The following DRC10 variants were observed in gnomAD, a reference collection of about 807,000 sequenced individuals.
The protein encoded by DRC10 is dynein regulatory complex subunit 10, also known as IQ domain-containing protein D.
chr12:113,220,935 G>A, the DRC10 span: 1 of 306,576 alleles, frequency 3.3e-6, no homozygotes, highest in Non-Finnish European at 6.7e-6. Flanking sequence ...CCAAAGGACA[G>A]AGGGCTGAAC....
the DRC10 span, chr12:113,203,145 C>T: frequency 4.9e-6 from 2 of 404,336 alleles, no homozygotes; most frequent in East Asian, 7.3e-5. Context: ...CCCACCTCAG[C>T]TTCCTGAGTA....
chr12:113,220,523 G>C, the DRC10 span, among the ~76,000 whole-genome samples: 1 of 152,088 alleles, frequency 6.6e-6, no homozygotes, highest in Admixed American at 6.6e-5. Context: ...CAAAGTGCTG[G>C]GATTACAGGC....
chr12:113,207,701 G>C, the DRC10 span: 2 of 1,614,192 alleles, frequency 1.2e-6, no homozygotes, highest in Non-Finnish European at 1.7e-6. Flanking sequence ...AAGAGTCTAA[G>C]GACGTTCTTG....
At chr12:113,204,462 C>T in the DRC10 span, among the ~76,000 whole-genome samples, 7 of 152,272 alleles carry the variant, frequency 4.6e-5, no homozygotes, top group Non-Finnish European at 7.3e-5. Context: ...AGGCCGAATC[C>T]AGCCAGCCAC....
At chr12:113,203,845 C>T in the DRC10 span, among the ~76,000 whole-genome samples, 3 of 132,694 alleles carry the variant, frequency 2.3e-5, no homozygotes, top group Non-Finnish European at 4.6e-5. Flanking sequence ...TGGTCTTGAA[C>T]TCTTGACCTC....
chr12:113,197,386 G>A, the DRC10 span, among the ~76,000 whole-genome samples: 2 of 151,942 alleles, frequency 1.3e-5, no homozygotes, highest in Non-Finnish European at 2.9e-5. Context: ...GCCCCAGGCT[G>A]GACAAACCCT....
At chr12:113,214,527 A>AG in the DRC10 span, among the ~76,000 whole-genome samples, 2 of 151,632 alleles carry the variant, frequency 1.3e-5, no homozygotes, top group East Asian at 1.9e-4. Flanking sequence ...AAAAAAAAAA[A>AG]AGAGAAAAAA....
At chr12:113,216,480 C>T in the DRC10 span, among the ~76,000 whole-genome samples, 10 of 152,254 alleles carry the variant, frequency 6.6e-5, no homozygotes, top group African/African-American at 2.4e-4. Context: ...TCCAAATTCA[C>T]AGAATGTACA....
chr12:113,214,909 C>T, the DRC10 span, among the ~76,000 whole-genome samples: 2 of 150,326 alleles, frequency 1.3e-5, no homozygotes, highest in African/African-American at 4.9e-5. Flanking sequence ...TTATGGTTTA[C>T]AACTGGTCTG....
chr12:113,196,718 C>G, the DRC10 span, among the ~76,000 whole-genome samples: 1 of 152,246 alleles, frequency 6.6e-6, no homozygotes, highest in Non-Finnish European at 1.5e-5. Context: ...CCAGTGCTCC[C>G]CAGTCCTCCC....
chr12:113,213,576 A>G, the DRC10 span, among the ~76,000 whole-genome samples: 1 of 152,186 alleles, frequency 6.6e-6, no homozygotes, highest in Non-Finnish European at 1.5e-5. Context: ...AGACAGAGAG[A>G]GAGGTTAGAT....
the DRC10 span, among the ~76,000 whole-genome samples, chr12:113,199,722 GT>G: frequency 2.4e-4 from 36 of 147,208 alleles, no homozygotes; most frequent in South Asian, 2.2e-4. Flanking sequence ...AAGGTTTTGG[GT>G]TTTTTTTTTT....
At chr12:113,219,533 T>C in the DRC10 span, among the ~76,000 whole-genome samples, 15 of 152,356 alleles carry the variant, frequency 9.8e-5, no homozygotes, top group African/African-American at 2.6e-4. Context: ...TGTCCTCTTA[T>C]TGAGTTATAA....
the DRC10 span, among the ~76,000 whole-genome samples, chr12:113,199,602 A>G: frequency 6.6e-6 from 1 of 152,094 alleles, no homozygotes; most frequent in Admixed American, 6.5e-5. Flanking sequence ...TGACACTAAG[A>G]GACTGGAGAC....
At chr12:113,196,884 C>T in the DRC10 span, among the ~76,000 whole-genome samples, 1 of 152,250 alleles carries the variant, frequency 6.6e-6, no homozygotes, top group East Asian at 1.9e-4. Context: ...GGTGTCTCAC[C>T]GAATCCCCGC....
chr12:113,218,502 T>C, the DRC10 span, among the ~76,000 whole-genome samples: 1 of 151,828 alleles, frequency 6.6e-6, no homozygotes, highest in Admixed American at 6.6e-5. Context: ...AGTGCAGCAG[T>C]GCAACCATGG....
At chr12:113,208,114 T>C in the DRC10 span, 1 of 1,614,228 alleles carries the variant, frequency 6.2e-7, no homozygotes, top group Non-Finnish European at 8.5e-7. Flanking sequence ...CCCTATTCTG[T>C]TGATGGCAGG....
chr12:113,195,845 G>C, the DRC10 span: 1 of 1,613,504 alleles, frequency 6.2e-7, no homozygotes, highest in East Asian at 2.2e-5. Flanking sequence ...CCTCCAGCGA[G>C]ATCTTCTCCT....
the DRC10 span, among the ~76,000 whole-genome samples, chr12:113,206,542 G>A: frequency 2.6e-5 from 4 of 152,224 alleles, no homozygotes; most frequent in East Asian, 3.9e-4. Flanking sequence ...AAATGACCCC[G>A]TCTCTTTTGT....
Sources: allele counts gnomAD v4.1 joint callset (sites outside exome capture counted in the v4.1 genomes callset), GRCh38; gene constraint gnomAD v4.1.1; transcripts MANE v1.5; gene names NCBI Gene and HGNC (gene_info 2026-07-23, HGNC 2026-07-21).